Variants in NR6A1 observed in about 807,000 individuals in gnomAD.
NR6A1 encodes retinoic acid receptor-related testis-associated receptor.
NR6A1 carries 7 observed loss-of-function variants against 59.1 expected under a neutral mutation model. That is an observed-to-expected ratio of 0.12 (90% CI 0.07 to 0.22). The LOEUF (loss-of-function observed/expected upper bound fraction) is 0.22. Among genes scored for constraint, NR6A1 ranks in the 10% least tolerant of loss-of-function variants. The pLI is 1.00. For synonymous variants in NR6A1, 243 were observed against 236.1 expected (o/e 1.03, Z -0.27); for missense variants, 468 against 611.6 (o/e 0.77, Z 2.48).
chr9:124,626,849 G>A (rs1280329425), intron 2 of NR6A1, among the ~76,000 whole-genome samples: 2 of 152,128 alleles, frequency 1.3e-5, no homozygotes, highest in Non-Finnish European at 2.9e-5. Context: ...CAGGAGAATC[G>A]CTTGAACCCG....
At chr9:124,642,821 A>T (rs145390489) in intron 2 of NR6A1, among the ~76,000 whole-genome samples, 2 of 152,314 alleles carry the variant, frequency 1.3e-5, no homozygotes, top group African/African-American at 4.8e-5. Context: ...TGAGAGAGGG[A>T]GGTAGCAGGG....
chr9:124,595,821 T>C (rs1479108632), intron 2 of NR6A1: 2 of 1,289,548 alleles, frequency 1.6e-6, no homozygotes, highest in Non-Finnish European at 2.0e-6. Context: ...GAAACAGAGA[T>C]TACAGGACAA....
chr9:124,769,281 C>T (rs918264662), intron 1 of NR6A1, among the ~76,000 whole-genome samples: 28 of 149,166 alleles, frequency 1.9e-4, no homozygotes, highest in Admixed American at 1.3e-3. Context: ...GCTCTGAAAA[C>T]ACATCATTAT....
intron 1 of NR6A1, among the ~76,000 whole-genome samples, chr9:124,770,677 G>T (rs1483726482): frequency 7.3e-6 from 1 of 137,810 alleles, no homozygotes; most frequent in Non-Finnish European, 1.6e-5. Flanking sequence ...GAGGGGACCC[G>T]GGGGGAGGAG....
At chr9:124,639,948 T>C (rs940411868) in intron 2 of NR6A1, among the ~76,000 whole-genome samples, 1 of 152,234 alleles carries the variant, frequency 6.6e-6, no homozygotes, top group African/African-American at 2.4e-5. Context: ...CAAAACACCC[T>C]GTCATACAGG....
At chr9:124,540,234 G>C (rs758276303) in intron 4 of NR6A1, 47 bp from the exon 5 acceptor site, 2 of 1,575,840 alleles carry the variant, frequency 1.3e-6, no homozygotes, top group Non-Finnish European at 8.6e-7. Flanking sequence ...CAGGACACTT[G>C]CTCTTTCTTC....
intron 1 of NR6A1, among the ~76,000 whole-genome samples, chr9:124,739,933 T>C (rs1338098611): frequency 5.9e-5 from 9 of 152,224 alleles, no homozygotes; most frequent in African/African-American, 2.2e-4. Flanking sequence ...ACTCAGTCTC[T>C]TTTGAAGCCT....
At chr9:124,659,556 AG>A (rs1345765620) in intron 2 of NR6A1, among the ~76,000 whole-genome samples, 1 of 152,162 alleles carries the variant, frequency 6.6e-6, no homozygotes, top group Non-Finnish European at 1.5e-5. Flanking sequence ...GTTGAGTGAC[AG>A]GAAGTGCCCC....
intron 2 of NR6A1, among the ~76,000 whole-genome samples, chr9:124,720,661 T>C (rs1480940429): frequency 6.6e-6 from 1 of 152,118 alleles, no homozygotes; most frequent in African/African-American, 2.4e-5. Context: ...AAAAACAAAG[T>C]AGCTTCAGGT....
chr9:124,741,085 A>AT (rs1840161559), intron 1 of NR6A1, among the ~76,000 whole-genome samples: 2 of 152,232 alleles, frequency 1.3e-5, no homozygotes, highest in African/African-American at 4.8e-5. Flanking sequence ...AAAATGTCAT[A>AT]TATCTACACT....
At chr9:124,769,385 A>G (rs1353841798) in intron 1 of NR6A1, among the ~76,000 whole-genome samples, 1 of 152,218 alleles carries the variant, frequency 6.6e-6, no homozygotes, top group Admixed American at 6.5e-5. Flanking sequence ...CTGAACTAAC[A>G]AAATGTTTGA....
chr9:124,630,317 G>A (rs540271785), intron 2 of NR6A1, among the ~76,000 whole-genome samples: 332 of 147,196 alleles, frequency 2.3e-3, no homozygotes, highest in Admixed American at 3.9e-3. Context: ...CCAGGTTCAA[G>A]TGATTATCCT....
intron 2 of NR6A1, among the ~76,000 whole-genome samples, chr9:124,649,332 G>A (rs1438583319): frequency 6.6e-6 from 1 of 150,452 alleles, no homozygotes. Flanking sequence ...TTTCAATAAA[G>A]GCATCAAGAA....
chr9:124,569,346 C>G (rs1018369025), intron 2 of NR6A1, among the ~76,000 whole-genome samples: 2 of 152,242 alleles, frequency 1.3e-5, no homozygotes, highest in African/African-American at 4.8e-5. Flanking sequence ...TTCACTCAGC[C>G]TTGCTGTTAC....
At chr9:124,561,923 A>C (rs1364617879) in intron 2 of NR6A1, among the ~76,000 whole-genome samples, 2 of 152,330 alleles carry the variant, frequency 1.3e-5, no homozygotes, top group East Asian at 3.9e-4. Flanking sequence ...AAAAATAAAT[A>C]AATAAATAAA....
intron 2 of NR6A1, among the ~76,000 whole-genome samples, chr9:124,727,120 TCCTATGTTG>T (rs66506020): frequency 0.49 from 73,739 of 151,516 alleles, 18,026 homozygotes; most frequent in Admixed American, 0.59. Context: ...TTTTAGTGCC[TCCTATGTTG>T]TCCATTCGTC....
chr9:124,712,165 G>A (rs1839297310), intron 2 of NR6A1, among the ~76,000 whole-genome samples: 1 of 152,076 alleles, frequency 6.6e-6, no homozygotes, highest in South Asian at 2.1e-4. Flanking sequence ...ACCACTAGAT[G>A]GAGACTTAAA....
intron 2 of NR6A1, among the ~76,000 whole-genome samples, chr9:124,699,297 C>T (rs1180816630): frequency 6.6e-6 from 1 of 152,180 alleles, no homozygotes; most frequent in Non-Finnish European, 1.5e-5. Flanking sequence ...TGCAAGATGT[C>T]TGGATAAAGT....
chr9:124,671,291 A>T (rs1038838333), intron 2 of NR6A1, among the ~76,000 whole-genome samples: 1 of 152,180 alleles, frequency 6.6e-6, no homozygotes, highest in African/African-American at 2.4e-5. Flanking sequence ...TGCAAACTGG[A>T]GTGCTTTTGT....
Sources: allele counts gnomAD v4.1 joint callset (sites outside exome capture counted in the v4.1 genomes callset), GRCh38; gene constraint gnomAD v4.1.1; transcripts MANE v1.5; gene names NCBI Gene and HGNC (gene_info 2026-07-23, HGNC 2026-07-21).